Variants in SLC41A3 observed in about 807,000 individuals in gnomAD.
SLC41A3 encodes the protein SLC41A1-like 2.
In SLC41A3, 44 loss-of-function variants were observed where a neutral mutation model predicts 45.4. The observed-to-expected ratio is 0.97, with a 90% CI of 0.76 to 1.25. The LOEUF is 1.25. Among genes scored for constraint, SLC41A3 ranks in the 50% most tolerant of loss-of-function variants. The pLI is 0.00. For synonymous variants in SLC41A3, 256 were observed against 252.4 expected, an observed-to-expected ratio of 1.01 and a Z score of -0.13; for missense variants, 550 against 600.6, an observed-to-expected ratio of 0.92 and a Z score of 0.88.
chr3:126,052,429 C>T (rs1248790268), intron 2 of SLC41A3, among the ~76,000 whole-genome samples: 1 of 152,160 alleles, frequency 6.6e-6, no homozygotes, highest in Non-Finnish European at 1.5e-5. Context: ...ACCCAAGACC[C>T]GGCACCTACC....
intron 2 of SLC41A3, chr3:126,056,697 CAG>C (rs1943690832): frequency 5.5e-6 from 8 of 1,444,420 alleles, no homozygotes; most frequent in Non-Finnish European, 6.3e-6. Flanking sequence ...CCTGTGCCTG[CAG>C]AGAGTTCCCC....
intron 2 of SLC41A3, among the ~76,000 whole-genome samples, chr3:126,061,782 C>T (rs779677603): frequency 3.9e-5 from 6 of 152,104 alleles, no homozygotes; most frequent in Non-Finnish European, 5.9e-5. Context: ...CTGTTCTTTG[C>T]TTGCTAACAA....
chr3:126,090,769 C>T (rs1945474951), intron 1 of SLC41A3, among the ~76,000 whole-genome samples: 1 of 152,196 alleles, frequency 6.6e-6, no homozygotes, highest in African/African-American at 2.4e-5. Context: ...TAAAAGCACC[C>T]TCCCTCTAGG....
intron 1 of SLC41A3, among the ~76,000 whole-genome samples, chr3:126,069,189 C>T (rs1002272292): frequency 6.6e-6 from 1 of 152,154 alleles, no homozygotes; most frequent in Admixed American, 6.5e-5. Context: ...TAGGAACACA[C>T]TCAGGAAATT....
intron 2 of SLC41A3, chr3:126,057,261 T>C (rs1943731160): frequency 1.8e-6 from 1 of 565,812 alleles, no homozygotes; most frequent in Non-Finnish European, 2.2e-6. Context: ...CGCAGGCCTG[T>C]TCTCCCTCCA....
In SLC41A3 at chr3:126,051,053, G is replaced by C; in HGVS notation, c.274-3C>G. ...ACCTCCACAAACACAGGCCAGTGCT[G>C]GTAGGGAAACAGTAAGGAGATAAGC... On this transcript the variant is annotated splice_region_variant and splice_polypyrimidine_tract_variant and intron_variant, in intron 2 of 10. Coordinates refer to ENST00000360370, the MANE Select transcript of SLC41A3 (RefSeq NM_017836.4). 2 of 1,594,842 alleles carry C rather than the reference G, an allele frequency of 1.3e-6. No homozygotes were observed. Among genetic ancestry groups the C allele is most frequent in the Non-Finnish European group, 1.7e-6 (2 of 1,169,362 alleles).
intron 10 of SLC41A3, among the ~76,000 whole-genome samples, chr3:126,007,905 C>T (rs1157038537): frequency 6.6e-6 from 1 of 152,250 alleles, no homozygotes; most frequent in Non-Finnish European, 1.5e-5. Flanking sequence ...TGGGGACCAT[C>T]AGCCCGCTGC....
chr3:126,059,609 T>C (rs1943949166), intron 2 of SLC41A3, among the ~76,000 whole-genome samples: 1 of 152,098 alleles, frequency 6.6e-6, no homozygotes, highest in Non-Finnish European at 1.5e-5. Context: ...AGCAAGTTAG[T>C]GTCAAAGGCA....
intron 1 of SLC41A3, among the ~76,000 whole-genome samples, chr3:126,081,134 T>C (rs1945128365): frequency 6.6e-6 from 1 of 152,140 alleles, no homozygotes; most frequent in South Asian, 2.1e-4. Flanking sequence ...GATGAAAGGA[T>C]AAAGAAGATG....
At chr3:126,033,081 G>A (rs1189963733) in intron 4 of SLC41A3, among the ~76,000 whole-genome samples, 2 of 152,198 alleles carry the variant, frequency 1.3e-5, no homozygotes, top group African/African-American at 4.8e-5. Flanking sequence ...AGAAGGATGT[G>A]TGAGTGAGAG....
At chr3:126,083,116 G>A (rs1389900642) in intron 1 of SLC41A3, among the ~76,000 whole-genome samples, 1 of 152,214 alleles carries the variant, frequency 6.6e-6, no homozygotes, top group Non-Finnish European at 1.5e-5. Flanking sequence ...AGGGCACCTG[G>A]CCCATCCTCA....
chr3:126,020,790 A>G (rs1940783232), intron 6 of SLC41A3, among the ~76,000 whole-genome samples: 1 of 152,204 alleles, frequency 6.6e-6, no homozygotes, highest in African/African-American at 2.4e-5. Context: ...TGTCTCCACA[A>G]TCCTTTTTCT....
chr3:126,059,462 G>A (rs979313500), intron 2 of SLC41A3, among the ~76,000 whole-genome samples: 1 of 152,024 alleles, frequency 6.6e-6, no homozygotes, highest in Non-Finnish European at 1.5e-5. Flanking sequence ...GTGCCCATTT[G>A]TTCCCTTGTG....
chr3:126,008,346 T>C (rs1471370769), intron 10 of SLC41A3, among the ~76,000 whole-genome samples: 1 of 152,094 alleles, frequency 6.6e-6, no homozygotes, highest in Non-Finnish European at 1.5e-5. Context: ...GTGTGTAGTG[T>C]GTGTGGTGTG....
At chr3:126,083,223 A>G (rs1015379111) in intron 1 of SLC41A3, among the ~76,000 whole-genome samples, 2 of 152,262 alleles carry the variant, frequency 1.3e-5, no homozygotes, top group African/African-American at 2.4e-5. Flanking sequence ...CCCACCCCCA[A>G]GGTTTAGGAT....
At position 126,015,551 on chromosome 3, in the gene SLC41A3, T is replaced by A. The variant is rs202236901; in HGVS notation, c.913A>T (p.Lys305Ter). The A allele has an allele frequency of 6.2e-7, 1 of 1,614,228 alleles. No individual in the cohort carries two copies. The highest frequency in any genetic ancestry group is 8.5e-7 in the Non-Finnish European group (1 of 1,180,020). Residue 305 changes from lysine (K) to a stop codon, truncating the protein, a stop_gained, in exon 8 of 11, where the codon AAA becomes TAA. Transcript: ENST00000360370. LOFTEE classifies it high-confidence loss of function. ...ISSFGGLILS[K>*]TVSKQQYKGM... Reference sequence around the variant, plus strand: ...TTGTACTGCTGTTTAGAAACGGTTTTGCTCAAGATGAGTCCTCCGAAACTG... The same window carrying A: ...TTGTACTGCTGTTTAGAAACGGTTTAGCTCAAGATGAGTCCTCCGAAACTG...
chr3:126,008,866 A>T lies in SLC41A3; in HGVS notation c.1120T>A (p.Ser374Thr). ...ACCAGCAAGAGCAGGACTCGAGCTG[A>T]CATGGAATTGATTTCTGAAAGAAAC... ...TFCTSEINSM[S>T]ARVLLLLVVP... The change falls in exon 10 of 11, where the codon TCA becomes ACA. Residue 374 changes from serine (S) to threonine (T), a missense_variant. Ser to Thr is a moderately conservative substitution (Grantham distance 58, BLOSUM62 1). Transcript: ENST00000360370. 3 of 1,614,124 alleles carry T rather than the reference A, an allele frequency of 1.9e-6. No homozygotes were observed. The highest frequency in any genetic ancestry group is 2.5e-6 in the Non-Finnish European group (3 of 1,179,954).
chr3:126,064,312 C>T (rs1944239818), intron 2 of SLC41A3, among the ~76,000 whole-genome samples: 1 of 152,112 alleles, frequency 6.6e-6, no homozygotes, highest in Non-Finnish European at 1.5e-5. Context: ...CCGAGGAGCA[C>T]GCTTCAGTTT....
Position 126,022,794 on chromosome 3 carries a change from CTG to C in SLC41A3, c.735_736del (p.Tyr245Ter). ...AAGAAGACACTCTTTACCTTTGTGT[CTG>C]TAGAAGAAGCTGCTAACCAAAGCCA... On this transcript the variant is annotated stop_gained and frameshift_variant, in exon 6 of 11. Transcript: ENST00000360370. LOFTEE classifies it high-confidence loss of function. 1 of 1,614,188 alleles carries C rather than the reference CTG, an allele frequency of 6.2e-7. No homozygotes were observed. Among genetic ancestry groups the C allele is most frequent in the Non-Finnish European group, 8.5e-7 (1 of 1,180,034 alleles).
Sources: allele counts gnomAD v4.1 joint callset (sites outside exome capture counted in the v4.1 genomes callset), GRCh38; gene constraint gnomAD v4.1.1; transcripts MANE v1.5; gene names NCBI Gene and HGNC (gene_info 2026-07-23, HGNC 2026-07-21).